Variants in ACSS1 observed in about 807,000 individuals in gnomAD.
ACSS1 encodes the protein acetyl-coenzyme A synthetase 2-like, mitochondrial.
Under a neutral mutation model 75.3 loss-of-function variants are expected in ACSS1, and 42 were observed. That is an observed-to-expected ratio of 0.56 (90% CI 0.44 to 0.72). The LOEUF (loss-of-function observed/expected upper bound fraction) is 0.72. Among genes scored for constraint, ACSS1 ranks in the 30% least tolerant of loss-of-function variants. The probability of loss-of-function intolerance (pLI) is 0.00; values close to 1 mark genes in which losing one functional copy is unlikely to be tolerated. For missense variants in ACSS1, 782 were observed against 935.7 expected, an observed-to-expected ratio of 0.84 and a Z score of 2.14; for synonymous variants, 380 against 376.8, an observed-to-expected ratio of 1.01 and a Z score of -0.10.
rs2088315509 is a variant in ACSS1, at chr20:25,006,759, T to C, written c.*1003A>G. ...CACATTAAAACAAAGAGAGACTGGA[T>C]CCAGACCTCCAAGTCTCATCATTGG... On this transcript the variant is annotated 3_prime_UTR_variant, in exon 14 of 14. Transcript: ENST00000323482. 1 of 1,433,524 alleles carries C rather than the reference T, an allele frequency of 7.0e-7. No individual in the cohort carries two copies. Among genetic ancestry groups the C allele is most frequent in the Non-Finnish European group, 9.4e-7 (1 of 1,062,330 alleles). 88.8% of individuals were successfully genotyped at this position (1,433,524 alleles called of 1,614,324 possible). A position where few individuals can be genotyped will look rare whatever the true frequency, so the allele number is the denominator to read the frequency against.
At chr20:25,009,139 G>T in intron 13 of ACSS1, 131 bp downstream of exon 13, 1 of 849,082 alleles carries the variant, frequency 1.2e-6, no homozygotes, top group Non-Finnish European at 1.9e-6. Flanking sequence ...CACCAGCCAG[G>T]AAAACCAAAC....
At chr20:25,030,302 A>T (rs1283189291) in intron 3 of ACSS1, among the ~76,000 whole-genome samples, 2 of 152,154 alleles carry the variant, frequency 1.3e-5, no homozygotes, top group African/African-American at 4.8e-5. Flanking sequence ...AAACACACTG[A>T]CCCACATGCA....
intron 1 of ACSS1, among the ~76,000 whole-genome samples, chr20:25,050,665 A>G (rs537980540): frequency 2.0e-5 from 3 of 152,056 alleles, no homozygotes; most frequent in Admixed American, 2.0e-4. Context: ...CACGCTGGAC[A>G]CTTCGCCTTG....
intron 7 of ACSS1, among the ~76,000 whole-genome samples, chr20:25,016,152 A>G (rs1475854421): frequency 1.3e-5 from 2 of 152,186 alleles, no homozygotes; most frequent in African/African-American, 4.8e-5. Flanking sequence ...GTGAGTCTGA[A>G]GCATGACGCT....
chr20:25,051,915 G>A (rs565853511), intron 1 of ACSS1, among the ~76,000 whole-genome samples: 1 of 152,326 alleles, frequency 6.6e-6, no homozygotes, highest in South Asian at 2.1e-4. Context: ...GGTGCCATTG[G>A]GTTGTTTCTG....
intron 1 of ACSS1, among the ~76,000 whole-genome samples, chr20:25,054,809 C>G (rs1403805226): frequency 6.6e-6 from 1 of 152,212 alleles, no homozygotes; most frequent in Non-Finnish European, 1.5e-5. Context: ...ATAGATCACA[C>G]AAAAATGGAG....
At chr20:25,051,052 C>T (rs563126662) in intron 1 of ACSS1, among the ~76,000 whole-genome samples, 46 of 152,336 alleles carry the variant, frequency 3.0e-4, no homozygotes, top group Non-Finnish European at 1.5e-5. Flanking sequence ...ACCTGCCTCT[C>T]CCTGCTGACC....
chr20:25,027,330 T>C (rs2088737150), intron 3 of ACSS1, among the ~76,000 whole-genome samples: 1 of 152,150 alleles, frequency 6.6e-6, no homozygotes. Context: ...CAGACAAAGA[T>C]TACTATAGAA....
chr20:25,023,464 A>T lies in ACSS1; in HGVS notation c.807+2T>A, dbSNP rs2088662068. 6.2e-7 allele frequency: 1 copy of T among 1,613,816 alleles called. No homozygotes were observed. The highest frequency in any genetic ancestry group is 8.5e-7 in the Non-Finnish European group (1 of 1,179,994). ...CAAACTGTGCAAAGCGAGGTAACCC[A>T]CCTGCTCCAGCGGGACGTCCAGATC... is the stretch of plus-strand genomic sequence containing the variant. On this transcript the variant is annotated splice_donor_variant, in intron 4 of 13. Coordinates refer to ENST00000323482, the MANE Select transcript of ACSS1 (RefSeq NM_032501.4). LOFTEE classifies it high-confidence loss of function.
chr20:25,023,924 T>A (rs918123503), intron 3 of ACSS1, among the ~76,000 whole-genome samples: 13 of 152,070 alleles, frequency 8.5e-5, no homozygotes, highest in African/African-American at 2.7e-4. Flanking sequence ...TAAAGACAAT[T>A]TCCCAACCAG....
At chr20:25,025,817 C>T (rs1260715859) in intron 3 of ACSS1, among the ~76,000 whole-genome samples, 2 of 152,180 alleles carry the variant, frequency 1.3e-5, no homozygotes, top group African/African-American at 4.8e-5. Context: ...TCTCTGACCT[C>T]CCCTTCTGCT....
Position 25,007,667 on chromosome 20 carries a change from G to GA in ACSS1, c.*94dup. ...TGTGTGGGGTGGGGGCTGCTTCTGG[G>GA]ACGTAGGAAGACGCCAACCTCAGGG... On this transcript the variant is annotated 3_prime_UTR_variant, in exon 14 of 14. Transcript: ENST00000323482. The GA allele has an allele frequency of 1.9e-6, 3 of 1,542,444 alleles. No individual in the cohort carries two copies. The highest frequency in any genetic ancestry group is 2.6e-6 in the Non-Finnish European group (3 of 1,147,516).
At chr20:25,052,663 G>A (rs1837468154) in intron 1 of ACSS1, among the ~76,000 whole-genome samples, 1 of 152,244 alleles carries the variant, frequency 6.6e-6, no homozygotes, top group Non-Finnish European at 1.5e-5. Flanking sequence ...ATTCATTGCT[G>A]TACATGAATT....
chr20:25,017,157 C>A (rs1285708110), intron 7 of ACSS1, among the ~76,000 whole-genome samples: 1 of 152,132 alleles, frequency 6.6e-6, no homozygotes. Flanking sequence ...CCACGCCCAG[C>A]TCCTAAGGAC....
intron 3 of ACSS1, among the ~76,000 whole-genome samples, chr20:25,030,345 C>T (rs867335611): frequency 4.6e-5 from 7 of 152,224 alleles, no homozygotes; most frequent in African/African-American, 1.7e-4. Context: ...GACTCCAGAT[C>T]CCCAAATATG....
rs112029562 is a variant in ACSS1, at chr20:25,023,480, C to T, written c.793G>A (p.Val265Ile). Residue 265 changes from valine to isoleucine, a missense_variant, in exon 4 of 14, where the codon GTC (valine) becomes ATC (isoleucine). Physicochemically the swap from Val to Ile is conservative, Grantham distance 29. This residue lies in a region of ACSS1 where 377 missense variants were observed against 383.1 expected (regional missense o/e 0.98). Transcript: ENST00000323482. ...AGGTAACCCACCTGCTCCAGCGGGA[C>T]GTCCAGATCCCCCATGTGGACCTTG... ...DNKVHMGDLD[V>I]PLEQEMAKED... 32 of 1,613,994 alleles carry T rather than the reference C, an allele frequency of 2.0e-5. No homozygotes were observed. Among genetic ancestry groups the T allele is most frequent in the African/African-American group, 1.6e-4 (12 of 74,914 alleles).
rs1433523722 is a variant in ACSS1 at position 25,006,294 on chromosome 20, G to A, written c.*1468C>T. ...CCCTACAGATCATTCAGATGCCCGG[G>A]ACCATGTCCAGGTTCCTCTCAGCAA... On this transcript the variant is annotated 3_prime_UTR_variant, in exon 14 of 14. Transcript: ENST00000323482. 6.6e-6 allele frequency: 1 copy of A among 152,550 alleles called. No individual in the cohort carries two copies. The highest frequency in any genetic ancestry group is 1.5e-5 in the Non-Finnish European group (1 of 68,328). 9.4% of individuals were successfully genotyped at this position (152,550 alleles called of 1,614,324 possible). A position where few individuals can be genotyped will look rare whatever the true frequency, so the allele number is the denominator to read the frequency against.
intron 13 of ACSS1, among the ~76,000 whole-genome samples, chr20:25,008,148 C>G (rs2088343791): frequency 6.6e-6 from 1 of 152,210 alleles, no homozygotes; most frequent in Admixed American, 6.5e-5. Context: ...CTGAAATCCA[C>G]CCCGATGCTC....
intron 2 of ACSS1, among the ~76,000 whole-genome samples, chr20:25,047,824 AC>A (rs146668221): frequency 0.05 from 7,544 of 152,084 alleles, 603 homozygotes; most frequent in African/African-American, 0.17. Flanking sequence ...CAGCTTAAAA[AC>A]AAAACAACTC....
Sources: allele counts gnomAD v4.1 joint callset (sites outside exome capture counted in the v4.1 genomes callset), GRCh38; gene constraint gnomAD v4.1.1; regional missense constraint gnomAD v4.1.1; transcripts MANE v1.5; gene names NCBI Gene and HGNC (gene_info 2026-07-23, HGNC 2026-07-21).